Variants in PARD3B observed in about 807,000 individuals in gnomAD.
PARD3B encodes the protein par-3 family cell polarity regulator beta.
In PARD3B, 103 loss-of-function variants were observed where a neutral mutation model predicts 130.2. That is an observed-to-expected ratio of 0.79 (90% CI 0.67 to 0.93). The LOEUF (loss-of-function observed/expected upper bound fraction) is 0.93, where lower values mean the gene tolerates loss of function less well. Among genes scored for constraint, PARD3B ranks in the 40% least tolerant of loss-of-function variants. The pLI is 0.00. For synonymous variants in PARD3B, 583 were observed against 553.2 expected, an observed-to-expected ratio of 1.05 and a Z score of -0.76; for missense variants, 1,609 against 1,499.2, an observed-to-expected ratio of 1.07 and a Z score of -1.21.
At chr2:205,365,200 CA>C (rs34761577) in intron 18 of PARD3B, among the ~76,000 whole-genome samples, 180 of 127,800 alleles carry the variant, frequency 1.4e-3, no homozygotes, top group Middle Eastern at 4.1e-3. Flanking sequence ...AACTCCGTGT[CA>C]AAAAAAAAAA....
intron 1 of PARD3B, among the ~76,000 whole-genome samples, chr2:204,648,308 C>T (rs116096392): frequency 2.0e-5 from 3 of 150,554 alleles, no homozygotes; most frequent in Admixed American, 6.6e-5. Context: ...AATTTTAATA[C>T]CTTTTGAGCT....
chr2:204,629,644 T>G (rs1048554356), intron 1 of PARD3B, among the ~76,000 whole-genome samples: 1 of 151,908 alleles, frequency 6.6e-6, no homozygotes, highest in African/African-American at 2.4e-5. Context: ...ACAACACTTG[T>G]ATAATGCCAC....
At chr2:205,567,002 G>C (rs1252371622) in intron 22 of PARD3B, among the ~76,000 whole-genome samples, 2 of 152,196 alleles carry the variant, frequency 1.3e-5, no homozygotes, top group African/African-American at 4.8e-5. Context: ...ACTCCATGAA[G>C]CATAAGGATG....
At chr2:204,697,822 C>T (rs1035699747) in intron 2 of PARD3B, among the ~76,000 whole-genome samples, 5 of 152,036 alleles carry the variant, frequency 3.3e-5, no homozygotes, top group Admixed American at 1.3e-4. Context: ...GGCCCTTCGT[C>T]TGTTACTAAT....
At chr2:204,685,101 T>A (rs1408199095) in intron 1 of PARD3B, among the ~76,000 whole-genome samples, 1 of 152,202 alleles carries the variant, frequency 6.6e-6, no homozygotes, top group East Asian at 1.9e-4. Context: ...TATTAGCTTT[T>A]ATGAAATTGA....
intron 1 of PARD3B, among the ~76,000 whole-genome samples, chr2:204,615,969 T>C (rs1249403903): frequency 6.6e-6 from 1 of 152,136 alleles, no homozygotes; most frequent in Non-Finnish European, 1.5e-5. Flanking sequence ...ACTACAGGTA[T>C]TGACAAAGCC....
At chr2:205,593,595 A>T (rs377764252) in intron 22 of PARD3B, among the ~76,000 whole-genome samples, 10 of 152,362 alleles carry the variant, frequency 6.6e-5, no homozygotes, top group African/African-American at 2.2e-4. Flanking sequence ...CAAATTGCTT[A>T]ACAACCTGAT....
rs532509705 is a variant in PARD3B, at chr2:204,819,923, G to C, written c.222+133641G>C. Among the ~76,000 whole-genome samples the C allele has an allele frequency of 8.5e-5, 13 of 152,160 alleles. No individual in the cohort carries two copies. In the East Asian group the frequency reaches 2.3e-3, roughly 27 times the overall value. ...GAAGAAAAGTTGGAAGCTAGCAGAG[G>C]GTTGGTTCATAGAGTTTAAGGAAAG... On this transcript the variant is annotated intron_variant, in intron 2 of 22. Transcript: ENST00000406610.
chr2:204,712,793 A>G lies in PARD3B; in HGVS notation c.222+26511A>G, dbSNP rs200676417. Reference sequence around the variant, plus strand: ...ATAGAGTAATACCTTTTAAATTTCTATGTGCTGCCCTCCAGTCATAGTAAT... The same window carrying G: ...ATAGAGTAATACCTTTTAAATTTCTGTGTGCTGCCCTCCAGTCATAGTAAT... On this transcript the variant is annotated intron_variant, in intron 2 of 22. Coordinates refer to ENST00000406610, the MANE Select transcript of PARD3B (RefSeq NM_001302769.2). 1.8e-4 allele frequency among the ~76,000 whole-genome samples: 27 copies of G among 152,206 alleles called. No homozygotes were observed. The East Asian group carries it at 2.1e-3, about 12-fold the overall frequency.
At chr2:204,785,495 G>A (rs767285338) in intron 2 of PARD3B, among the ~76,000 whole-genome samples, 24 of 152,024 alleles carry the variant, frequency 1.6e-4, no homozygotes, top group African/African-American at 2.9e-4. Context: ...TCAAGTCTCC[G>A]TGTCCATCCT....
intron 2 of PARD3B, among the ~76,000 whole-genome samples, chr2:204,708,711 A>G (rs1237910281): frequency 6.6e-6 from 1 of 152,136 alleles, no homozygotes; most frequent in African/African-American, 2.4e-5. Context: ...TACCAGAGTA[A>G]TTTTTTATGT....
At chr2:205,008,589 T>C (rs1695463297) in intron 3 of PARD3B, among the ~76,000 whole-genome samples, 1 of 152,184 alleles carries the variant, frequency 6.6e-6, no homozygotes, top group African/African-American at 2.4e-5. Flanking sequence ...TGCTGAACAA[T>C]AAATGCAATT....
At chr2:205,505,249 G>T (rs975870292) in intron 21 of PARD3B, among the ~76,000 whole-genome samples, 1 of 151,996 alleles carries the variant, frequency 6.6e-6, no homozygotes, top group Non-Finnish European at 1.5e-5. Context: ...GTGGGGTGGG[G>T]GGAGTGGGGA....
At chr2:204,637,384 T>A (rs2034922059) in intron 1 of PARD3B, among the ~76,000 whole-genome samples, 1 of 152,196 alleles carries the variant, frequency 6.6e-6, no homozygotes, top group African/African-American at 2.4e-5. Flanking sequence ...AACAGTTAAT[T>A]TCCTTCCAGG....
chr2:205,176,679 A>G lies in PARD3B; in HGVS notation c.1924+102A>G. ...AAAAGAGTAAAGGGGAGTTAATTAG[A>G]CTAAGTGCAGACTTTGTTACTCGGA... On this transcript the variant is annotated intron_variant, in intron 13 of 22. Coordinates refer to ENST00000406610, the MANE Select transcript of PARD3B (RefSeq NM_001302769.2). This position sits in a 1 kb window ranked among gnomAD's most constrained non-coding sequence, Gnocchi z 5.3. 1 of 1,267,546 alleles carries G rather than the reference A, an allele frequency of 7.9e-7. No individual in the cohort carries two copies. Among genetic ancestry groups the G allele is most frequent in the East Asian group, 2.7e-5 (1 of 36,706 alleles). 78.5% of individuals were successfully genotyped at this position (1,267,546 alleles called of 1,614,324 possible). A position where few individuals can be genotyped will look rare whatever the true frequency, so the allele number is the denominator to read the frequency against.
rs1253202635 is a variant in PARD3B at position 205,572,746 on chromosome 2, CTAAA to C, written c.3260+19353_3260+19356del. Among the ~76,000 whole-genome samples the C allele has an allele frequency of 1.3e-5, 2 of 152,046 alleles. No individual in the cohort carries two copies. The highest frequency in any genetic ancestry group is 2.4e-5 in the African/African-American group (1 of 41,384). On this transcript the variant is annotated intron_variant, in intron 22 of 22. Transcript: ENST00000406610. This position sits in a 1 kb window ranked among gnomAD's most constrained non-coding sequence, Gnocchi z 4.2. ...GACAACAGAGGGAGAACCCCATCTC[CTAAA>C]TAAATAAATTGGAGAGACAAGACTA...
At chr2:205,197,251 TA>T (rs1192563320) in intron 15 of PARD3B, among the ~76,000 whole-genome samples, 1 of 152,206 alleles carries the variant, frequency 6.6e-6, no homozygotes, top group African/African-American at 2.4e-5. Context: ...TAAGTGATTT[TA>T]AGGCCCTTAC....
At chr2:204,680,498 A>T (rs1210771322) in intron 1 of PARD3B, among the ~76,000 whole-genome samples, 1 of 151,996 alleles carries the variant, frequency 6.6e-6, no homozygotes, top group Admixed American at 6.6e-5. Context: ...CAAGCTTTTC[A>T]TAAAACCAAC....
Position 204,746,974 on chromosome 2 carries a change from T to C in PARD3B, c.222+60692T>C, listed in dbSNP as rs1383263781. On this transcript the variant is annotated intron_variant, in intron 2 of 22. Transcript: ENST00000406610. ...TTTCTTTTGCTGTGCAGAAGCTCTTTAGTTTAATTAGATCCCATTTGTCAA... is the reference window on the plus strand; with the variant it reads ...TTTCTTTTGCTGTGCAGAAGCTCTTCAGTTTAATTAGATCCCATTTGTCAA... 2.0e-5 allele frequency among the ~76,000 whole-genome samples: 3 copies of C among 152,196 alleles called. No individual in the cohort carries two copies. The East Asian group carries it at 5.8e-4, about 29-fold the overall frequency.
Sources: allele counts gnomAD v4.1 joint callset (sites outside exome capture counted in the v4.1 genomes callset), GRCh38; gene constraint gnomAD v4.1.1; non-coding constraint Gnocchi (gnomAD v3.1); transcripts MANE v1.5; gene names NCBI Gene and HGNC (gene_info 2026-07-23, HGNC 2026-07-21).